IFT74: variants seen among roughly 807,000 people sequenced by gnomAD.
The protein encoded by IFT74 is intraflagellar transport protein 74 homolog.
Under a neutral mutation model 96.7 loss-of-function variants are expected in IFT74, and 92 were observed. That is an observed-to-expected ratio of 0.95 (90% CI 0.80 to 1.13). The LOEUF is 1.13. Ranked by LOEUF, IFT74 falls within the 50% of genes most tolerant of loss-of-function variation. IFT74 has a pLI of 0.00. For missense variants in IFT74, 811 were observed against 698.2 expected (o/e 1.16, Z -1.82); for synonymous variants, 223 against 213.2 (o/e 1.05, Z -0.40).
intron 16 of IFT74, 118 bp downstream of exon 16, chr9:27,048,392 G>A: frequency 1.5e-6 from 1 of 645,574 alleles, no homozygotes; most frequent in Non-Finnish European, 2.5e-6. Flanking sequence ...TATTGCCCCA[G>A]AATTATGTGT....
chr9:27,014,854 G>A (rs569931208), intron 10 of IFT74, among the ~76,000 whole-genome samples: 22 of 152,178 alleles, frequency 1.4e-4, no homozygotes, highest in Admixed American at 2.6e-4. Flanking sequence ...TGATCCACCC[G>A]CCTTGGCCTC....
At chr9:27,017,365 G>A (rs892891122) in intron 11 of IFT74, among the ~76,000 whole-genome samples, 1 of 152,080 alleles carries the variant, frequency 6.6e-6, no homozygotes, top group South Asian at 2.1e-4. Context: ...GGGACTGCAG[G>A]CATGTGCCAA....
At chr9:27,047,396 T>C in intron 15 of IFT74, 25 bp downstream of exon 15, 1 of 1,420,394 alleles carries the variant, frequency 7.0e-7, no homozygotes, top group Non-Finnish European at 9.8e-7. Context: ...CCTGTCTTGG[T>C]GTCCTCTTTA....
chr9:27,012,009 TA>T (rs1829104851), intron 10 of IFT74, 41 bp downstream of exon 10: 4 of 1,306,300 alleles, frequency 3.1e-6, no homozygotes, highest in Admixed American at 2.6e-5. Context: ...ACTACTCAGC[TA>T]AAAAAGTTAA....
chr9:27,052,829 T>A (rs565478238), intron 16 of IFT74, among the ~76,000 whole-genome samples: 6 of 152,280 alleles, frequency 3.9e-5, no homozygotes, highest in Admixed American at 3.9e-4. Context: ...TGTTCGCCTT[T>A]CAGATAGAAT....
Position 26,979,533 on chromosome 9 carries a change from C to A in IFT74, c.257-1038C>A, listed in dbSNP as rs190213936. Among the ~76,000 whole-genome samples the A allele has an allele frequency of 3.9e-3, 593 of 152,074 alleles. 7 individuals are homozygous for A. The highest frequency in any genetic ancestry group is 3.9e-3 in the Non-Finnish European group (266 of 67,980). On this transcript the variant is annotated intron_variant, in intron 3 of 19. Coordinates refer to ENST00000380062, the MANE Select transcript of IFT74 (RefSeq NM_025103.4). ...CATTACCACTACACAGAACTGTCTACTGTGACTTTCATTCTTACCTTCTCT... is the reference window on the plus strand; with the variant it reads ...CATTACCACTACACAGAACTGTCTAATGTGACTTTCATTCTTACCTTCTCT...
At chr9:27,049,341 G>GT (rs1467046576) in intron 16 of IFT74, among the ~76,000 whole-genome samples, 1 of 152,152 alleles carries the variant, frequency 6.6e-6, no homozygotes, top group East Asian at 1.9e-4. Context: ...GGGTAGTCAG[G>GT]GGCCTGTTGA....
chr9:27,031,185 G>A (rs971797365), intron 13 of IFT74, among the ~76,000 whole-genome samples: 11 of 152,144 alleles, frequency 7.2e-5, no homozygotes, highest in Non-Finnish European at 1.5e-4. Context: ...AATCTGTTAA[G>A]AAATTCTTTT....
intron 8 of IFT74, among the ~76,000 whole-genome samples, chr9:27,004,544 G>T (rs1311352928): frequency 6.6e-6 from 1 of 152,038 alleles, no homozygotes; most frequent in African/African-American, 2.4e-5. Flanking sequence ...AGCATTATTG[G>T]GTGTCTTTAA....
In IFT74 at chr9:27,047,290, T is replaced by A. The variant is rs759105269; in HGVS notation, c.1125T>A (p.Phe375Leu). The A allele has an allele frequency of 2.5e-6, 4 of 1,611,740 alleles. No individual in the cohort carries two copies. Residue 375 changes from phenylalanine (F) to leucine (L), a missense_variant, in exon 15 of 20, where the codon TTT becomes TTA. Coordinates refer to ENST00000380062, the MANE Select transcript of IFT74 (RefSeq NM_025103.4). ...EEHMDTFIETFEETKNQELKR... is the reference protein window; with the variant it reads ...EEHMDTFIETLEETKNQELKR... ...AATTGTCAGCTTTTATTGAGACTTT[T>A]GAGGAAACAAAGAATCAGGAACTGA...
At chr9:27,022,161 G>A (rs1403451333) in intron 12 of IFT74, among the ~76,000 whole-genome samples, 2 of 151,902 alleles carry the variant, frequency 1.3e-5, no homozygotes, top group South Asian at 2.1e-4. Flanking sequence ...TTTATTTCTG[G>A]GTTCTCTATT....
intron 13 of IFT74, among the ~76,000 whole-genome samples, chr9:27,041,740 A>C (rs991372362): frequency 7.2e-5 from 11 of 152,132 alleles, no homozygotes; most frequent in Non-Finnish European, 1.5e-4. Flanking sequence ...GTTTTACCCT[A>C]CCTTAGGACT....
At chr9:26,954,560 G>A (rs1164764078), upstream of IFT74, among the ~76,000 whole-genome samples, 1 of 149,892 alleles carries the variant, frequency 6.7e-6, no homozygotes, top group Non-Finnish European at 1.5e-5. Context: ...GTGCACTGAG[G>A]ACATATAATG....
At chr9:27,004,664 G>C (rs1395896570) in intron 8 of IFT74, among the ~76,000 whole-genome samples, 4 of 152,122 alleles carry the variant, frequency 2.6e-5, no homozygotes, top group Admixed American at 6.5e-5. Context: ...GTCAGTCATT[G>C]TTGCTTTCTT....
At chr9:26,999,482 C>T (rs1330594221) in intron 8 of IFT74, 9 of 578,432 alleles carry the variant, frequency 1.6e-5, no homozygotes, top group African/African-American at 3.9e-5. Context: ...TTTGGATATA[C>T]AGAGCTAAAT....
intron 1 of IFT74, among the ~76,000 whole-genome samples, chr9:26,950,725 G>C (rs1156370620): frequency 6.6e-6 from 1 of 152,222 alleles, no homozygotes; most frequent in Admixed American, 6.5e-5. Flanking sequence ...CCCAATTCAT[G>C]AATCACTGTC....
chr9:27,032,751 A>G (rs1434657340), intron 13 of IFT74, among the ~76,000 whole-genome samples: 3 of 152,062 alleles, frequency 2.0e-5, no homozygotes, highest in Non-Finnish European at 4.4e-5. Flanking sequence ...CTGTAATCCC[A>G]GCTACTCAGG....
intron 12 of IFT74, among the ~76,000 whole-genome samples, chr9:27,020,538 A>G (rs1587365807): frequency 6.8e-6 from 1 of 147,584 alleles, no homozygotes; most frequent in African/African-American, 2.5e-5. Flanking sequence ...GCAGCAGCCC[A>G]ATCTCGGCTC....
intron 8 of IFT74, chr9:26,997,812 T>C (rs775807949): frequency 3.1e-6 from 5 of 1,614,184 alleles, no homozygotes; most frequent in Non-Finnish European, 4.2e-6. Context: ...TATAAAGTTA[T>C]TAATTCCAGA....
Sources: gnomAD v4.1 joint callset for allele counts (sites outside exome capture counted in the v4.1 genomes callset) on GRCh38, gnomAD v4.1.1 for gene constraint, MANE v1.5 for transcripts, NCBI Gene and HGNC (gene_info 2026-07-23, HGNC 2026-07-21) for gene names.